ERBB4: variants seen among roughly 807,000 people sequenced by gnomAD.
ERBB4 encodes erb-b2 receptor tyrosine kinase 4, also known as receptor tyrosine-protein kinase erbB-4.
ERBB4 carries 42 observed loss-of-function variants against 158.0 expected under a neutral mutation model. The observed-to-expected ratio is 0.27, with a 90% confidence interval of 0.21 to 0.34. ERBB4 has a LOEUF of 0.34. Among genes scored for constraint, ERBB4 ranks in the 10% least tolerant of loss-of-function variants. The probability of loss-of-function intolerance (pLI) is 1.00; values close to 1 mark genes in which losing one functional copy is unlikely to be tolerated. For synonymous variants in ERBB4, 583 were observed against 558.7 expected, an observed-to-expected ratio of 1.04 and a Z score of -0.61; for missense variants, 1,333 against 1,624.1, an observed-to-expected ratio of 0.82 and a Z score of 3.08.
chr2:211,599,511 T>TTGTGTGTGTGTGTGTGTGTGTGTG (rs201810389), intron 19 of ERBB4, among the ~76,000 whole-genome samples: 619 of 20,830 alleles, frequency 0.03, 3 homozygotes, highest in African/African-American at 0.037. Context: ...AAATAATTTC[T>TTGTGTGTGTGTGTGTGTGTGTGTG]TCTGTGTGTG....
Position 212,121,807 on chromosome 2 carries a change from G to C in ERBB4, c.234+2945C>G, listed in dbSNP as rs540930586. 9.9e-5 allele frequency among the ~76,000 whole-genome samples: 15 copies of C among 151,988 alleles called. No homozygotes were observed. In the South Asian group the frequency reaches 2.9e-3, roughly 29 times the overall value. On this transcript the variant is annotated intron_variant, in intron 2 of 27. Coordinates refer to ENST00000342788, the MANE Select transcript of ERBB4 (RefSeq NM_005235.3). ...TACACATTTATTAACTCTGATTCAG[G>C]GGCTTCCTTCTAAGCCTTATACTAC... is the stretch of plus-strand genomic sequence containing the variant.
At chr2:212,411,024 G>A (rs1485455688) in intron 1 of ERBB4, among the ~76,000 whole-genome samples, 5 of 149,542 alleles carry the variant, frequency 3.3e-5, no homozygotes, top group African/African-American at 4.8e-5. Flanking sequence ...AAACATTTCA[G>A]TCTTAAAGGT....
chr2:211,961,758 TAAC>T (rs757973615), intron 2 of ERBB4, among the ~76,000 whole-genome samples: 14 of 152,066 alleles, frequency 9.2e-5, no homozygotes, highest in Non-Finnish European at 1.6e-4. Flanking sequence ...AATATGCAAT[TAAC>T]AAAACCTAGC....
chr2:212,090,169 T>C (rs2078730113), intron 2 of ERBB4, among the ~76,000 whole-genome samples: 1 of 152,176 alleles, frequency 6.6e-6, no homozygotes, highest in African/African-American at 2.4e-5. Context: ...CACTTTGATT[T>C]ACTTATCTGA....
chr2:212,195,428 GTCAC>G (rs1475070323), intron 1 of ERBB4, among the ~76,000 whole-genome samples: 4 of 151,934 alleles, frequency 2.6e-5, no homozygotes, highest in African/African-American at 9.7e-5. Context: ...AAGTTAGACA[GTCAC>G]AGTATTATTT....
intron 1 of ERBB4, among the ~76,000 whole-genome samples, chr2:212,426,843 A>G (rs2091924021): frequency 6.6e-6 from 1 of 152,132 alleles, no homozygotes; most frequent in Non-Finnish European, 1.5e-5. Flanking sequence ...GGCTCGGGGT[A>G]GCCATACTCT....
intron 2 of ERBB4, among the ~76,000 whole-genome samples, chr2:212,061,506 T>C (rs1445384308): frequency 1.4e-5 from 2 of 147,292 alleles, no homozygotes; most frequent in Non-Finnish European, 3.0e-5. Flanking sequence ...CAACAATTTG[T>C]GTTTCCATTA....
At chr2:211,773,635 T>TTATATATATATA (rs1333119698) in intron 4 of ERBB4, among the ~76,000 whole-genome samples, 1 of 101,108 alleles carries the variant, frequency 9.9e-6, no homozygotes, top group African/African-American at 3.9e-5. Context: ...TATATATATA[T>TTATATATATATA]ATATATATAT....
chr2:211,506,603 T>G (rs2065757283), intron 20 of ERBB4, among the ~76,000 whole-genome samples: 1 of 152,026 alleles, frequency 6.6e-6, no homozygotes, highest in African/African-American at 2.4e-5. Flanking sequence ...ATACCAAGAA[T>G]AACTCAATAT....
chr2:212,053,072 C>T (rs1559393720), intron 2 of ERBB4, among the ~76,000 whole-genome samples: 2 of 152,222 alleles, frequency 1.3e-5, no homozygotes, highest in Non-Finnish European at 1.5e-5. Context: ...AAGCCCAGCA[C>T]ATTGAGAGGC....
rs146956244 is a variant in ERBB4 at position 212,437,821 on chromosome 2, A to G, written c.82+100628T>C. On this transcript the variant is annotated intron_variant, in intron 1 of 27. Coordinates refer to ENST00000342788, the MANE Select transcript of ERBB4 (RefSeq NM_005235.3). ...TGACTTTTATTCTATGACTTCCTCT[A>G]ATTAGAATACCTCATCTTCCTTTTC... 4.6e-3 allele frequency among the ~76,000 whole-genome samples: 702 copies of G among 152,090 alleles called. 9 individuals are homozygous for G. The East Asian group carries it at 0.05, about 11-fold the overall frequency.
chr2:211,660,795 T>A (rs549043428), intron 15 of ERBB4, among the ~76,000 whole-genome samples: 2 of 152,256 alleles, frequency 1.3e-5, no homozygotes, highest in East Asian at 1.9e-4. Flanking sequence ...CAACAGTATA[T>A]GACATAAGAT....
At chr2:212,049,080 C>G (rs1048422348) in intron 2 of ERBB4, among the ~76,000 whole-genome samples, 8 of 152,198 alleles carry the variant, frequency 5.3e-5, no homozygotes, top group Non-Finnish European at 1.2e-4. Context: ...GCAGTTTAAA[C>G]AGATGCGTGT....
At chr2:211,896,752 GACTGTTTA>G (rs910792192) in intron 3 of ERBB4, among the ~76,000 whole-genome samples, 1 of 152,050 alleles carries the variant, frequency 6.6e-6, no homozygotes, top group Admixed American at 6.6e-5. Flanking sequence ...ATATGAAAAA[GACTGTTTA>G]ACATGCCACA....
intron 2 of ERBB4, among the ~76,000 whole-genome samples, chr2:211,986,119 C>T (rs904329529): frequency 1.3e-5 from 2 of 152,074 alleles, no homozygotes; most frequent in African/African-American, 4.8e-5. Flanking sequence ...GTCTACAAGT[C>T]AAAGAAATCC....
chr2:211,502,590 G>C (rs991187840), intron 20 of ERBB4, among the ~76,000 whole-genome samples: 1 of 152,126 alleles, frequency 6.6e-6, no homozygotes, highest in Admixed American at 6.5e-5. Context: ...AACTTGGAAA[G>C]TTGAAAGCCT....
chr2:212,173,762 G>A (rs1480382118), intron 1 of ERBB4, among the ~76,000 whole-genome samples: 1 of 152,040 alleles, frequency 6.6e-6, no homozygotes, highest in Non-Finnish European at 1.5e-5. Context: ...GATGAAAGGA[G>A]GTCAGAGGGA....
intron 1 of ERBB4, among the ~76,000 whole-genome samples, chr2:212,483,789 T>C (rs1048777338): frequency 2.0e-5 from 3 of 152,134 alleles, no homozygotes; most frequent in Non-Finnish European, 4.4e-5. Flanking sequence ...CAGGCTGGAG[T>C]GCAGTGGCGC....
chr2:212,302,730 T>C (rs73068255), intron 1 of ERBB4, among the ~76,000 whole-genome samples: 2,284 of 151,632 alleles, frequency 0.015, 59 homozygotes, highest in African/African-American at 0.052. Context: ...TGAATAAATA[T>C]TTTAGATTTG....
Sources: allele counts gnomAD v4.1 joint callset (sites outside exome capture counted in the v4.1 genomes callset), GRCh38; gene constraint gnomAD v4.1.1; transcripts MANE v1.5; gene names NCBI Gene and HGNC (gene_info 2026-07-23, HGNC 2026-07-21).